Variants in GRID2 observed in about 807,000 individuals in gnomAD.
GRID2 encodes glutamate receptor ionotropic, delta-2.
GRID2 carries 33 observed loss-of-function variants against 114.8 expected under a neutral mutation model. The ratio of observed to expected loss-of-function variants is 0.29; its 90% CI spans 0.22 to 0.38. The LOEUF (loss-of-function observed/expected upper bound fraction) is 0.38. GRID2 is among the 10% of genes least tolerant of loss of function. GRID2 has a pLI of 1.00. For synonymous variants in GRID2, 505 were observed against 449.9 expected, an observed-to-expected ratio of 1.12 and a Z score of -1.55; for missense variants, 1,184 against 1,257.7, an observed-to-expected ratio of 0.94 and a Z score of 0.89.
intron 10 of GRID2, among the ~76,000 whole-genome samples, chr4:93,446,997 G>A (rs888771439): frequency 6.6e-6 from 1 of 151,566 alleles, no homozygotes; most frequent in African/African-American, 2.4e-5. Flanking sequence ...TACAACATAA[G>A]TAATACCTAA....
intron 2 of GRID2, among the ~76,000 whole-genome samples, chr4:92,747,317 A>C (rs1200253298): frequency 1.3e-5 from 2 of 152,044 alleles, no homozygotes; most frequent in African/African-American, 2.4e-5. Context: ...GTAAGAATGA[A>C]TTGTGGTTCT....
chr4:93,139,344 C>T (rs776040362), intron 4 of GRID2, among the ~76,000 whole-genome samples: 44 of 152,218 alleles, frequency 2.9e-4, no homozygotes, highest in Admixed American at 8.5e-4. Flanking sequence ...CCAGGGGAAT[C>T]AATACACTGA....
chr4:92,866,744 G>A (rs112208081), intron 2 of GRID2, among the ~76,000 whole-genome samples: 2 of 151,888 alleles, frequency 1.3e-5, no homozygotes, highest in African/African-American at 4.8e-5. Context: ...AATAGAGACG[G>A]TTTTCACCGT....
intron 14 of GRID2, among the ~76,000 whole-genome samples, chr4:93,756,181 C>T (rs1210454614): frequency 6.6e-6 from 1 of 152,160 alleles, no homozygotes; most frequent in Non-Finnish European, 1.5e-5. Context: ...CATTCTAAAG[C>T]TTCTGGGTCT....
At chr4:93,152,400 T>G (rs1041897187) in intron 4 of GRID2, among the ~76,000 whole-genome samples, 1 of 152,074 alleles carries the variant, frequency 6.6e-6, no homozygotes, top group Non-Finnish European at 1.5e-5. Flanking sequence ...TACTCTTGAT[T>G]TAAAAACATG....
Position 92,531,415 on chromosome 4 carries a change from A to G in GRID2, c.89-58716A>G, listed in dbSNP as rs560285921. Among the ~76,000 whole-genome samples, 4 of 152,260 alleles carry G rather than the reference A, an allele frequency of 2.6e-5. No homozygotes were observed. In the South Asian group the frequency reaches 8.3e-4, roughly 32 times the overall value. On this transcript the variant is annotated intron_variant, in intron 1 of 15. Coordinates refer to ENST00000282020, the MANE Select transcript of GRID2 (RefSeq NM_001510.4). ...AAAAAGAGTAGAAGATGAGAATGAA[A>G]CCAACAAACAAAACATGGAGACAAC...
At chr4:93,681,623 C>A (rs541446658) in intron 14 of GRID2, among the ~76,000 whole-genome samples, 78 of 152,114 alleles carry the variant, frequency 5.1e-4, no homozygotes, top group Admixed American at 1.5e-3. Context: ...ATAAGTAATA[C>A]CACACATCTA....
chr4:92,926,760 C>T (rs180859773), intron 2 of GRID2, among the ~76,000 whole-genome samples: 19 of 151,832 alleles, frequency 1.3e-4, no homozygotes, highest in Admixed American at 1.1e-3. Flanking sequence ...CTGGGAAGTC[C>T]GAGATTGAGA....
intron 13 of GRID2, among the ~76,000 whole-genome samples, chr4:93,540,322 C>G (rs1464775433): frequency 1.3e-5 from 2 of 151,972 alleles, no homozygotes; most frequent in Non-Finnish European, 2.9e-5. Flanking sequence ...ATTTTCTTCT[C>G]CATGCATCGT....
intron 2 of GRID2, among the ~76,000 whole-genome samples, chr4:92,640,115 T>C (rs1313933516): frequency 6.6e-6 from 1 of 151,740 alleles, no homozygotes; most frequent in East Asian, 1.9e-4. Flanking sequence ...AATTAGCTAC[T>C]TTTAGAATAT....
rs190998731 is a variant in GRID2 at position 92,364,641 on chromosome 4, C to T, written c.88+59897C>T. Among the ~76,000 whole-genome samples the T allele has an allele frequency of 3.3e-5, 5 of 151,790 alleles. No homozygotes were observed. The East Asian group carries it at 9.7e-4, about 29-fold the overall frequency. On this transcript the variant is annotated intron_variant, in intron 1 of 15. Transcript: ENST00000282020. Reference sequence around the variant, plus strand: ...GGCTATGTCTCTGTGGTTAAAGAGACTTACTGATGATACCACCTGTGTTCA... The same window carrying T: ...GGCTATGTCTCTGTGGTTAAAGAGATTTACTGATGATACCACCTGTGTTCA...
intron 8 of GRID2, among the ~76,000 whole-genome samples, chr4:93,383,875 A>G (rs1212427971): frequency 1.3e-5 from 2 of 152,164 alleles, no homozygotes; most frequent in African/African-American, 2.4e-5. Context: ...ACCAAATCAT[A>G]TGTCATCACT....
intron 4 of GRID2, chr4:93,164,844 T>C: frequency 3.0e-6 from 1 of 332,270 alleles, no homozygotes; most frequent in Non-Finnish European, 6.4e-6. Context: ...AAGCTTTGAC[T>C]ACTGTTCTCT....
chr4:93,163,391 T>TAC (rs1737920697), intron 4 of GRID2, among the ~76,000 whole-genome samples: 2 of 36,096 alleles, frequency 5.5e-5, no homozygotes, highest in Non-Finnish European at 1.0e-4. Context: ...TATATATATA[T>TAC]ATATATATAC....
chr4:93,553,460 G>A (rs138120688), intron 13 of GRID2, among the ~76,000 whole-genome samples: 378 of 152,262 alleles, frequency 2.5e-3, no homozygotes, highest in South Asian at 0.013. Flanking sequence ...ACGTATTATA[G>A]TTCATCTTGC....
At chr4:93,228,098 A>G (rs192811562) in intron 7 of GRID2, among the ~76,000 whole-genome samples, 2 of 152,300 alleles carry the variant, frequency 1.3e-5, no homozygotes, top group Non-Finnish European at 2.9e-5. Context: ...TCAGGTATTT[A>G]TTATAACAAC....
chr4:93,597,251 T>C (rs567198005), intron 13 of GRID2, among the ~76,000 whole-genome samples: 2 of 152,360 alleles, frequency 1.3e-5, no homozygotes, highest in African/African-American at 4.8e-5. Context: ...ATTAATTTAC[T>C]TTGTTGAGTC....
At chr4:93,268,652 C>T (rs780973570) in intron 8 of GRID2, among the ~76,000 whole-genome samples, 43 of 152,020 alleles carry the variant, frequency 2.8e-4, no homozygotes, top group Admixed American at 6.6e-4. Context: ...TTACATTTTA[C>T]CTAACTCAGG....
intron 1 of GRID2, among the ~76,000 whole-genome samples, chr4:92,354,884 C>T (rs1218571951): frequency 1.3e-5 from 2 of 151,828 alleles, no homozygotes; most frequent in Admixed American, 6.6e-5. Context: ...CTGAACTTAC[C>T]ACCTCCCACC....
Sources: gnomAD v4.1 joint callset for allele counts (sites outside exome capture counted in the v4.1 genomes callset) on GRCh38, gnomAD v4.1.1 for gene constraint, MANE v1.5 for transcripts, NCBI Gene and HGNC (gene_info 2026-07-23, HGNC 2026-07-21) for gene names.